The following KCNC4 variants were observed in gnomAD, a reference collection of about 807,000 sequenced individuals.
KCNC4 encodes the protein potassium voltage-gated channel subfamily C member 4.
Under a neutral mutation model 42.8 loss-of-function variants are expected in KCNC4, and 23 were observed. The observed-to-expected ratio is 0.54, with a 90% CI of 0.39 to 0.76. The LOEUF (loss-of-function observed/expected upper bound fraction) is 0.76. Ranked by LOEUF, KCNC4 falls within the 30% of genes least tolerant of loss-of-function variation. The pLI, the probability that KCNC4 is intolerant of heterozygous loss-of-function variation, is 0.00. For missense variants in KCNC4, 751 were observed against 898.2 expected (o/e 0.84, Z 2.10); for synonymous variants, 422 against 393.5 (o/e 1.07, Z -0.86).
chr1:110,225,987 A>G lies in KCNC4; in HGVS notation c.1628A>G (p.Asn543Ser). The G allele has an allele frequency of 2.5e-6, 4 of 1,597,262 alleles. No homozygotes were observed. The highest frequency in any genetic ancestry group is 3.4e-6 in the Non-Finnish European group (4 of 1,168,586). ...GTGCCCCCTTCAGACTCTAAGCAGA[A>G]TGGCGATGCCAACGCAGTGCTGTCT... ...IERKRADSKQ[N>S]GDANAVLSDE... The change falls in exon 3 of 4, where the codon AAT (asparagine) becomes AGT (serine). Residue 543 changes from asparagine (N) to serine (S), a missense_variant. Around this residue, in one of 4 missense-constraint regions of KCNC4, gnomAD observed 202 missense variants for 181.5 expected, o/e 1.11. Transcript: ENST00000438661.
intron 2 of KCNC4, chr1:110,282,659 G>T (rs1659848639): frequency 6.6e-6 from 1 of 152,328 alleles, no homozygotes. Context: ...CTGTGGGTAA[G>T]TGGGGAGGTG....
chr1:110,271,296 T>C (rs1427880642), intron 1 of KCNC4, among the ~76,000 whole-genome samples: 2 of 152,134 alleles, frequency 1.3e-5, no homozygotes, highest in Non-Finnish European at 2.9e-5. Context: ...AAAAGAGCAC[T>C]AAAGATCATC....
downstream of KCNC4, among the ~76,000 whole-genome samples, chr1:110,283,919 G>A (rs529467422): frequency 5.9e-5 from 9 of 152,282 alleles, no homozygotes; most frequent in South Asian, 1.9e-3. Context: ...TTGGGCTTCT[G>A]CTGAGGCATC....
At chr1:110,262,223 A>G (rs1659468289) in intron 1 of KCNC4, among the ~76,000 whole-genome samples, 1 of 152,244 alleles carries the variant, frequency 6.6e-6, no homozygotes. Flanking sequence ...GCTTAAAAGA[A>G]CAGACTCTGG....
intron 1 of KCNC4, among the ~76,000 whole-genome samples, chr1:110,268,656 A>T (rs1330881412): frequency 6.7e-6 from 1 of 149,104 alleles, no homozygotes; most frequent in Non-Finnish European, 1.5e-5. Context: ...AAGAAACCCT[A>T]GCCTTGGAAT....
chr1:110,211,746 AGCAGCG>A lies in KCNC4; in HGVS notation c.253_258del (p.Gly85_Ser86del). The A allele has an allele frequency of 6.2e-7, 1 of 1,608,028 alleles. No individual in the cohort carries two copies. Among genetic ancestry groups the A allele is most frequent in the Non-Finnish European group, 8.5e-7 (1 of 1,178,324 alleles). ...CGAGACCGATGGCGGCGGTGTGGGT[AGCAGCG>A]GCAGCAGCGGCGGCGGGGGCTGCGA... On this transcript the variant is annotated inframe_deletion, in exon 1 of 4. Transcript: ENST00000438661. This position sits in a 1 kb window ranked among gnomAD's most constrained non-coding sequence, Gnocchi z 6.5.
At chr1:110,280,076 C>T (rs191511388) in intron 1 of KCNC4, among the ~76,000 whole-genome samples, 7 of 152,156 alleles carry the variant, frequency 4.6e-5, no homozygotes, top group East Asian at 1.9e-4. Flanking sequence ...CCACCGCACC[C>T]GGCTGGAATG....
downstream of KCNC4, chr1:110,235,052 C>G: frequency 6.6e-6 from 1 of 152,608 alleles, no homozygotes; most frequent in Non-Finnish European, 1.5e-5. Context: ...GTTCCTGTCA[C>G]TCTCAGACTT....
exon 4 of KCNC4, chr1:110,245,897 T>C (rs11102069): frequency 0.29 from 44,353 of 152,168 alleles, 7,189 homozygotes; most frequent in Non-Finnish European, 0.36. Flanking sequence ...CTCTTTGTAC[T>C]ATCTGTGCCT....
chr1:110,210,943 C>A lies in KCNC4; in HGVS notation c.-557C>A, dbSNP rs1657405171. On this transcript the variant is annotated 5_prime_UTR_variant, in exon 1 of 4. Transcript: ENST00000438661. Reference sequence around the variant, plus strand: ...CGCCTCGTGTTGACCGCAAGCAGCCCGGGCCCACGGAGCTCCGGCTGCCGT... The same window carrying A: ...CGCCTCGTGTTGACCGCAAGCAGCCAGGGCCCACGGAGCTCCGGCTGCCGT... Among the ~76,000 whole-genome samples the A allele has an allele frequency of 6.6e-6, 1 of 152,168 alleles. No homozygotes were observed. Among genetic ancestry groups the A allele is most frequent in the Non-Finnish European group, 1.5e-5 (1 of 68,026 alleles).
chr1:110,260,685 CT>C (rs1321596052), intron 1 of KCNC4, among the ~76,000 whole-genome samples: 1 of 152,186 alleles, frequency 6.6e-6, no homozygotes, highest in Non-Finnish European at 1.5e-5. Flanking sequence ...ACAATTGTCT[CT>C]TTGGGAGGTC....
At chr1:110,282,919 T>G (rs1007554440) in intron 2 of KCNC4, 1 of 152,198 alleles carries the variant, frequency 6.6e-6, no homozygotes, top group African/African-American at 2.4e-5. Context: ...GTGTCTTGGT[T>G]CATTTTGTGT....
chr1:110,225,824 C>T, intron 2 of KCNC4, 151 bp from the exon 3 acceptor site: 1 of 705,446 alleles, frequency 1.4e-6, no homozygotes, highest in Non-Finnish European at 2.4e-6. Flanking sequence ...GCCCTCTGCT[C>T]CCCGGCTCTG....
chr1:110,249,859 C>G (rs1414557567), downstream of KCNC4, among the ~76,000 whole-genome samples: 1 of 152,080 alleles, frequency 6.6e-6, no homozygotes, highest in Non-Finnish European at 1.5e-5. Context: ...TTCTGTCTTC[C>G]CAAACTGAGA....
Position 110,223,391 on chromosome 1 carries a change from T to A in KCNC4, c.1106T>A (p.Val369Glu). Residue 369 changes from valine to glutamate, a missense_variant, in exon 2 of 4, where the codon GTG becomes GAG. Physicochemically the swap from Val to Glu is moderately radical, Grantham distance 121. Transcript: ENST00000438661. The surrounding 1 kb of genome is among the most constrained non-coding windows in gnomAD (Gnocchi z 7.5). ...ACACGCCACTTCGTGGGGCTACGCG[T>A]GCTGGGCCACACCCTGAGGGCCAGC... ...KLTRHFVGLR[V>E]LGHTLRASTN... 1 of 1,613,988 alleles carries A rather than the reference T, an allele frequency of 6.2e-7. No individual in the cohort carries two copies. Among genetic ancestry groups the A allele is most frequent in the Non-Finnish European group, 8.5e-7 (1 of 1,180,010 alleles).
chr1:110,268,208 C>G (rs1659576176), intron 1 of KCNC4, among the ~76,000 whole-genome samples: 1 of 152,226 alleles, frequency 6.6e-6, no homozygotes, highest in African/African-American at 2.4e-5. Context: ...CTCCCAGTAC[C>G]TGACTCAGCT....
At chr1:110,229,428 G>T (rs1253965714) in intron 3 of KCNC4, among the ~76,000 whole-genome samples, 1 of 152,142 alleles carries the variant, frequency 6.6e-6, no homozygotes, top group African/African-American at 2.4e-5. Flanking sequence ...AGATTCAGTG[G>T]TGACTCCCAC....
intron 3 of KCNC4, chr1:110,232,356 C>T: frequency 6.3e-7 from 1 of 1,595,332 alleles, no homozygotes; most frequent in Non-Finnish European, 8.5e-7. Context: ...GAGCCTTCTT[C>T]ACCAGCTCCT....
intron 1 of KCNC4, among the ~76,000 whole-genome samples, chr1:110,280,974 A>G (rs1291864453): frequency 6.6e-6 from 1 of 152,032 alleles, no homozygotes; most frequent in Non-Finnish European, 1.5e-5. Context: ...CTCGAAGCAA[A>G]CAGTTGCATC....
Sources: allele counts gnomAD v4.1 joint callset (sites outside exome capture counted in the v4.1 genomes callset), GRCh38; gene constraint gnomAD v4.1.1; regional missense constraint gnomAD v4.1.1; non-coding constraint Gnocchi (gnomAD v3.1); transcripts MANE v1.5; gene names NCBI Gene and HGNC (gene_info 2026-07-23, HGNC 2026-07-21).